ST6GALNAC3: variants seen among roughly 807,000 people sequenced by gnomAD.
ST6GALNAC3 encodes the protein alpha-N-acetylgalactosaminide alpha-2,6-sialyltransferase 3.
ST6GALNAC3 carries 25 observed loss-of-function variants against 32.7 expected under a neutral mutation model. That is an observed-to-expected ratio of 0.76 (90% CI 0.56 to 1.07). ST6GALNAC3 has a LOEUF of 1.07. ST6GALNAC3 is among the 50% of genes least tolerant of loss of function. The pLI, the probability that ST6GALNAC3 is intolerant of heterozygous loss-of-function variation, is 0.00. For missense variants in ST6GALNAC3, 355 were observed against 382.4 expected, an observed-to-expected ratio of 0.93 and a Z score of 0.60; for synonymous variants, 129 against 133.1, an observed-to-expected ratio of 0.97 and a Z score of 0.21.
intron 3 of ST6GALNAC3, among the ~76,000 whole-genome samples, chr1:76,516,778 A>G (rs918867046): frequency 9.2e-5 from 14 of 152,136 alleles, no homozygotes; most frequent in Admixed American, 2.0e-4. Flanking sequence ...TTCTCTTGTA[A>G]ATGGTCCTTT....
At chr1:76,410,069 T>A (rs1029460340) in intron 2 of ST6GALNAC3, among the ~76,000 whole-genome samples, 14 of 152,118 alleles carry the variant, frequency 9.2e-5, no homozygotes, top group Non-Finnish European at 1.9e-4. Context: ...CTCTTTTTTT[T>A]ATCAACTTTC....
chr1:76,295,865 T>A (rs1177934187), intron 1 of ST6GALNAC3, among the ~76,000 whole-genome samples: 1 of 152,120 alleles, frequency 6.6e-6, no homozygotes, highest in African/African-American at 2.4e-5. Flanking sequence ...ATGATAAGAA[T>A]GTTGCTTTCT....
chr1:76,246,181 T>C (rs1005500667), intron 1 of ST6GALNAC3, among the ~76,000 whole-genome samples: 4 of 152,222 alleles, frequency 2.6e-5, no homozygotes, highest in African/African-American at 9.6e-5. Flanking sequence ...TTGTCTTTTT[T>C]GATCTTTGTT....
intron 1 of ST6GALNAC3, among the ~76,000 whole-genome samples, chr1:76,113,157 G>A (rs6690498): frequency 0.27 from 40,447 of 151,190 alleles, 6,422 homozygotes; most frequent in African/African-American, 0.45. Context: ...CCAACACAGC[G>A]AAACCCCGTC....
At chr1:76,623,890 C>T (rs921676696) in intron 3 of ST6GALNAC3, among the ~76,000 whole-genome samples, 2 of 151,846 alleles carry the variant, frequency 1.3e-5, no homozygotes, top group Non-Finnish European at 2.9e-5. Context: ...CCTCTAGGGA[C>T]CCAGATTACT....
At chr1:76,247,740 G>A (rs774289797) in intron 1 of ST6GALNAC3, among the ~76,000 whole-genome samples, 2 of 152,066 alleles carry the variant, frequency 1.3e-5, no homozygotes, top group Non-Finnish European at 2.9e-5. Context: ...CAAGCCAATG[G>A]TTCTTAGCTT....
chr1:76,230,245 A>G (rs1450216299), intron 1 of ST6GALNAC3, among the ~76,000 whole-genome samples: 2 of 152,174 alleles, frequency 1.3e-5, no homozygotes, highest in Non-Finnish European at 2.9e-5. Context: ...AAGTTGACCA[A>G]TTGCCTAAGA....
chr1:76,522,399 C>T (rs1177357222), intron 3 of ST6GALNAC3, among the ~76,000 whole-genome samples: 1 of 151,958 alleles, frequency 6.6e-6, no homozygotes, highest in African/African-American at 2.4e-5. Context: ...ATTATTTTCT[C>T]TCTTTCTGAT....
At chr1:76,112,936 GGC>G (rs1224778049) in intron 1 of ST6GALNAC3, among the ~76,000 whole-genome samples, 9 of 152,020 alleles carry the variant, frequency 5.9e-5, no homozygotes, top group Non-Finnish European at 1.3e-4. Context: ...CAGACGGGGT[GGC>G]GGCCGGGCAG....
At chr1:76,097,982 C>T (rs1294492736) in intron 1 of ST6GALNAC3, among the ~76,000 whole-genome samples, 6 of 151,618 alleles carry the variant, frequency 4.0e-5, no homozygotes, top group Middle Eastern at 3.4e-3. Flanking sequence ...ACACAATGAA[C>T]GTGTGTGAAA....
intron 3 of ST6GALNAC3, among the ~76,000 whole-genome samples, chr1:76,413,858 C>A: frequency 6.6e-6 from 1 of 152,006 alleles, no homozygotes; most frequent in East Asian, 1.9e-4. Context: ...TCACAAAGGG[C>A]TTTGGAAATT....
chr1:76,516,934 A>C (rs553199216), intron 3 of ST6GALNAC3, among the ~76,000 whole-genome samples: 28 of 151,958 alleles, frequency 1.8e-4, no homozygotes, highest in Non-Finnish European at 2.5e-4. Context: ...TTCCACATGG[A>C]AATTAAAATA....
intron 3 of ST6GALNAC3, among the ~76,000 whole-genome samples, chr1:76,430,784 G>T (rs907094725): frequency 6.6e-6 from 1 of 152,174 alleles, no homozygotes; most frequent in African/African-American, 2.4e-5. Flanking sequence ...AGAGTTCTCA[G>T]TGTATATTAG....
At chr1:76,530,245 A>G (rs1663171195) in intron 3 of ST6GALNAC3, among the ~76,000 whole-genome samples, 1 of 152,180 alleles carries the variant, frequency 6.6e-6, no homozygotes, top group Admixed American at 6.5e-5. Context: ...ACTACCTTTT[A>G]TCCCAGGTAC....
intron 1 of ST6GALNAC3, among the ~76,000 whole-genome samples, chr1:76,241,681 T>C (rs1322736218): frequency 6.6e-6 from 1 of 152,182 alleles, no homozygotes; most frequent in Non-Finnish European, 1.5e-5. Flanking sequence ...AAGTGTAAAA[T>C]ACAAACTGTA....
chr1:76,376,833 C>A (rs187670805), intron 2 of ST6GALNAC3, among the ~76,000 whole-genome samples: 2 of 152,216 alleles, frequency 1.3e-5, no homozygotes, highest in Admixed American at 1.3e-4. Flanking sequence ...TTCTTATCTT[C>A]CTCCGGGTTA....
chr1:76,596,310 C>A (rs1647136414), intron 3 of ST6GALNAC3, among the ~76,000 whole-genome samples: 1 of 152,078 alleles, frequency 6.6e-6, no homozygotes, highest in Non-Finnish European at 1.5e-5. Flanking sequence ...GTGCCTGTCT[C>A]TCCAGTTAGA....
intron 1 of ST6GALNAC3, among the ~76,000 whole-genome samples, chr1:76,146,094 T>A: frequency 6.6e-6 from 1 of 152,224 alleles, no homozygotes; most frequent in East Asian, 1.9e-4. Context: ...GTGCCTGAAT[T>A]ATATATGTCT....
chr1:76,545,259 T>C (rs1485613403), intron 3 of ST6GALNAC3, among the ~76,000 whole-genome samples: 1 of 152,158 alleles, frequency 6.6e-6, no homozygotes, highest in Non-Finnish European at 1.5e-5. Flanking sequence ...CTATCCTACA[T>C]TGCAAAATCT....
Sources: gnomAD v4.1 joint callset for allele counts (sites outside exome capture counted in the v4.1 genomes callset) on GRCh38, gnomAD v4.1.1 for gene constraint, MANE v1.5 for transcripts, NCBI Gene and HGNC (gene_info 2026-07-23, HGNC 2026-07-21) for gene names.